The following PLD5 variants were observed in gnomAD, a reference collection of about 807,000 sequenced individuals.
PLD5 encodes inactive phospholipase D5.
PLD5 carries 36 observed loss-of-function variants against 61.1 expected under a neutral mutation model. That is an observed-to-expected ratio of 0.59 (90% CI 0.45 to 0.78). The LOEUF is 0.78. Ranked by LOEUF, PLD5 falls within the 30% of genes least tolerant of loss-of-function variation. PLD5 has a pLI of 0.00. For synonymous variants in PLD5, 243 were observed against 242.8 expected (o/e 1.00, Z -0.01); for missense variants, 515 against 644.4 (o/e 0.80, Z 2.17).
At chr1:242,199,078 A>T (rs1282046804) in intron 5 of PLD5, among the ~76,000 whole-genome samples, 1 of 152,150 alleles carries the variant, frequency 6.6e-6, no homozygotes, top group Admixed American at 6.5e-5. Flanking sequence ...GGTATTCAGG[A>T]TATACTAAAT....
At chr1:242,152,167 C>T (rs886068726) in intron 5 of PLD5, among the ~76,000 whole-genome samples, 2 of 151,966 alleles carry the variant, frequency 1.3e-5, no homozygotes, top group African/African-American at 2.4e-5. Flanking sequence ...GTTTTCTTGC[C>T]GTTTCTGGGT....
intron 4 of PLD5, among the ~76,000 whole-genome samples, chr1:242,249,907 C>G (rs769623372): frequency 7.8e-4 from 119 of 152,258 alleles, no homozygotes; most frequent in Non-Finnish European, 1.5e-3. Flanking sequence ...TGAAAATTAG[C>G]ATTGATATAC....
chr1:242,293,738 G>A (rs988676577), intron 2 of PLD5, among the ~76,000 whole-genome samples: 5 of 152,136 alleles, frequency 3.3e-5, no homozygotes, highest in African/African-American at 1.2e-4. Flanking sequence ...TACACTTTGT[G>A]CAGGTAATGA....
chr1:242,529,748 C>G, the PLD5 span, among the ~76,000 whole-genome samples: 2 of 148,436 alleles, frequency 1.3e-5, no homozygotes, highest in Admixed American at 6.8e-5. Context: ...TTTACTTACA[C>G]AAGGAGAACC....
Position 242,114,097 on chromosome 1 carries a change from G to T in PLD5, c.934-71C>A, listed in dbSNP as rs1387460482. On this transcript the variant is annotated intron_variant, in intron 6 of 9. Transcript: ENST00000536534. ...AGCTGGGGATTTATTTATTTCCTTT[G>T]TTTCCACGGACCTTGGCTTGTAACT... 6 of 1,537,036 alleles carry T rather than the reference G, an allele frequency of 3.9e-6. No homozygotes were observed. In the African/African-American group the frequency reaches 5.5e-5, roughly 14 times the overall value.
intron 1 of PLD5, among the ~76,000 whole-genome samples, chr1:242,484,975 T>C (rs1667907957): frequency 6.6e-6 from 1 of 152,118 alleles, no homozygotes; most frequent in Admixed American, 6.5e-5. Context: ...ATTATCTCAA[T>C]AGATGCAGAA....
intron 1 of PLD5, among the ~76,000 whole-genome samples, chr1:242,421,270 C>A (rs1033723957): frequency 1.3e-5 from 2 of 150,582 alleles, no homozygotes; most frequent in South Asian, 4.2e-4. Context: ...TTTGCTGTAT[C>A]ATTCATGCCT....
At chr1:242,367,618 C>T (rs1318205680) in intron 1 of PLD5, among the ~76,000 whole-genome samples, 2 of 152,194 alleles carry the variant, frequency 1.3e-5, no homozygotes, top group Non-Finnish European at 2.9e-5. Context: ...AACCCCTATG[C>T]ACAACCCTCA....
rs560535135 is a variant in PLD5, at chr1:242,425,885, G to A, written c.190-77643C>T. Among the ~76,000 whole-genome samples, 10 of 151,682 alleles carry A rather than the reference G, an allele frequency of 6.6e-5. No homozygotes were observed. The South Asian group carries it at 8.3e-4, about 13-fold the overall frequency. On this transcript the variant is annotated intron_variant, in intron 1 of 9. Transcript: ENST00000536534. ...GTCTCGATCTCCTGACCTTGTGATC[G>A]GCCCACATTGGCCTCCCAAAGTGCT...
chr1:242,390,660 G>C (rs1485647313), intron 1 of PLD5, among the ~76,000 whole-genome samples: 1 of 152,114 alleles, frequency 6.6e-6, no homozygotes. Context: ...TTCCATGTTA[G>C]TACTGTCACA....
chr1:242,248,952 A>G (rs1672546782), intron 4 of PLD5, among the ~76,000 whole-genome samples: 1 of 152,154 alleles, frequency 6.6e-6, no homozygotes, highest in African/African-American at 2.4e-5. Flanking sequence ...GTTTGAGACC[A>G]GCCTGGCCAA....
intron 1 of PLD5, among the ~76,000 whole-genome samples, chr1:242,493,322 C>T (rs1165438366): frequency 2.6e-5 from 4 of 152,258 alleles, no homozygotes; most frequent in Non-Finnish European, 4.4e-5. Context: ...AAGGGGTTGG[C>T]CCACAAGCTG....
intron 3 of PLD5, among the ~76,000 whole-genome samples, chr1:242,284,486 A>G (rs942320665): frequency 1.5e-4 from 23 of 152,122 alleles, no homozygotes; most frequent in Non-Finnish European, 2.5e-4. Context: ...AAGTTCCCCC[A>G]GACCTTTTAA....
At chr1:242,241,869 C>CTATATA (rs752113161) in intron 4 of PLD5, among the ~76,000 whole-genome samples, 73 of 70,754 alleles carry the variant, frequency 1.0e-3, no homozygotes, top group Non-Finnish European at 1.1e-3. Context: ...GCTTTACTTA[C>CTATATA]TATATATATA....
chr1:242,446,492 A>C (rs1666545506), intron 1 of PLD5, among the ~76,000 whole-genome samples: 1 of 152,070 alleles, frequency 6.6e-6, no homozygotes, highest in Non-Finnish European at 1.5e-5. Context: ...AATCACTTGA[A>C]CCTTAGACGT....
chr1:242,445,722 G>A (rs536892364), intron 1 of PLD5, among the ~76,000 whole-genome samples: 36 of 150,134 alleles, frequency 2.4e-4, no homozygotes, highest in Middle Eastern at 7.0e-3. Flanking sequence ...TGGCATGCCA[G>A]GTAATGTAAG....
At chr1:242,142,050 A>G (rs549495032) in intron 5 of PLD5, among the ~76,000 whole-genome samples, 23 of 152,342 alleles carry the variant, frequency 1.5e-4, no homozygotes, top group Admixed American at 3.9e-4. Flanking sequence ...TCTGACCAGA[A>G]GCCTGGATCA....
At chr1:242,411,587 CT>C (rs1388617611) in intron 1 of PLD5, among the ~76,000 whole-genome samples, 1 of 152,094 alleles carries the variant, frequency 6.6e-6, no homozygotes, top group East Asian at 1.9e-4. Context: ...ATTTTAGCCC[CT>C]AATATGGGGC....
In PLD5 at chr1:242,090,164, C is replaced by A. The variant is rs1049289613; in HGVS notation, c.1355-54G>T. On this transcript the variant is annotated intron_variant, in intron 9 of 9. Coordinates refer to ENST00000536534, the MANE Select transcript of PLD5 (RefSeq NM_001372062.1). Reference sequence around the variant, plus strand: ...GGAGTTAGAGTCCACTGGGAACATACCCAATATAATGAAATTCAGAGTGGA... The same window carrying A: ...GGAGTTAGAGTCCACTGGGAACATAACCAATATAATGAAATTCAGAGTGGA... The A allele has an allele frequency of 5.0e-6, 8 of 1,586,152 alleles. No individual in the cohort carries two copies. In the African/African-American group the frequency reaches 9.4e-5, roughly 19 times the overall value.
Sources: gnomAD v4.1 joint callset for allele counts (sites outside exome capture counted in the v4.1 genomes callset) on GRCh38, gnomAD v4.1.1 for gene constraint, MANE v1.5 for transcripts, NCBI Gene and HGNC (gene_info 2026-07-23, HGNC 2026-07-21) for gene names.